The following THSD4 variants were observed in gnomAD, a reference collection of about 807,000 sequenced individuals.
The protein encoded by THSD4 is thrombospondin type-1 domain-containing protein 4.
Under a neutral mutation model 119.0 loss-of-function variants are expected in THSD4, and 69 were observed. The ratio of observed to expected loss-of-function variants is 0.58; its 90% CI spans 0.48 to 0.71. The LOEUF (loss-of-function observed/expected upper bound fraction) is 0.71. THSD4 is among the 30% of genes least tolerant of loss of function. THSD4 has a pLI of 0.00. For missense variants in THSD4, 1,393 were observed against 1,391.1 expected, an observed-to-expected ratio of 1.00 and a Z score of -0.02; for synonymous variants, 524 against 540.4, an observed-to-expected ratio of 0.97 and a Z score of 0.42.
intron 7 of THSD4, among the ~76,000 whole-genome samples, chr15:71,446,869 G>A (rs947892137): frequency 1.3e-5 from 2 of 152,120 alleles, no homozygotes; most frequent in Non-Finnish European, 2.9e-5. Context: ...CTCTTTAAGA[G>A]TCAGGGACAT....
At chr15:71,367,547 C>T (rs1215338740) in intron 6 of THSD4, among the ~76,000 whole-genome samples, 1 of 152,146 alleles carries the variant, frequency 6.6e-6, no homozygotes, top group Non-Finnish European at 1.5e-5. Context: ...GGTTTTCTGT[C>T]CTTGTGATAG....
chr15:71,282,658 A>G (rs1388059971), intron 6 of THSD4, among the ~76,000 whole-genome samples: 4 of 151,854 alleles, frequency 2.6e-5, no homozygotes, highest in Admixed American at 6.6e-5. Context: ...TTCACTCTGA[A>G]CTTGCTCATG....
chr15:71,528,061 T>C (rs1002832988), intron 7 of THSD4, among the ~76,000 whole-genome samples: 1 of 152,158 alleles, frequency 6.6e-6, no homozygotes, highest in Admixed American at 6.5e-5. Flanking sequence ...GGTATAAGCC[T>C]AAGAAAATTG....
At chr15:71,476,728 C>T (rs746410619) in intron 7 of THSD4, among the ~76,000 whole-genome samples, 5 of 152,184 alleles carry the variant, frequency 3.3e-5, no homozygotes, top group African/African-American at 7.2e-5. Flanking sequence ...GAGCTCACAG[C>T]GGAATCATTA....
At chr15:71,741,758 C>T (rs938457295) in intron 11 of THSD4, among the ~76,000 whole-genome samples, 2 of 151,806 alleles carry the variant, frequency 1.3e-5, no homozygotes, top group South Asian at 2.1e-4. Context: ...ATGTCTGAGG[C>T]GACATGTCTA....
chr15:71,520,306 A>G (rs2048421309), intron 7 of THSD4, among the ~76,000 whole-genome samples: 1 of 152,072 alleles, frequency 6.6e-6, no homozygotes, highest in African/African-American at 2.4e-5. Context: ...GGAGGTTTTG[A>G]TGGAGGTAAA....
intron 7 of THSD4, among the ~76,000 whole-genome samples, chr15:71,481,868 A>G (rs2047735595): frequency 6.6e-6 from 1 of 152,202 alleles, no homozygotes; most frequent in Admixed American, 6.5e-5. Flanking sequence ...CCCTCTAAGT[A>G]AATATTGAAA....
chr15:71,664,014 A>G (rs1468239906), intron 8 of THSD4, among the ~76,000 whole-genome samples: 1 of 150,422 alleles, frequency 6.6e-6, no homozygotes, highest in African/African-American at 2.5e-5. Flanking sequence ...ACAGAGTCTC[A>G]CTCTGTCGCC....
intron 4 of THSD4, among the ~76,000 whole-genome samples, chr15:71,232,700 C>T (rs545922479): frequency 3.3e-5 from 5 of 152,200 alleles, no homozygotes; most frequent in South Asian, 2.1e-4. Flanking sequence ...AGACGAAGAC[C>T]GGAGTTGAAT....
chr15:71,447,013 A>G (rs560168651), intron 7 of THSD4, among the ~76,000 whole-genome samples: 1 of 151,956 alleles, frequency 6.6e-6, no homozygotes, highest in Admixed American at 6.5e-5. Flanking sequence ...AGACAAGGAC[A>G]CAGGAATGAA....
intron 3 of THSD4, among the ~76,000 whole-genome samples, chr15:71,170,644 T>C (rs1199958887): frequency 6.6e-6 from 1 of 152,230 alleles, no homozygotes; most frequent in Non-Finnish European, 1.5e-5. Flanking sequence ...TCAAGATGTC[T>C]AGCATTTAGT....
At chr15:71,165,086 G>A in intron 3 of THSD4, 1 of 1,610,324 alleles carries the variant, frequency 6.2e-7, no homozygotes, top group Non-Finnish European at 8.5e-7. Flanking sequence ...TTTGATTTTT[G>A]GGCGATACTC....
Position 71,728,549 on chromosome 15 carries a change from C to T in THSD4, c.1358C>T (p.Ala453Val). Residue 453 changes from alanine (A) to valine (V), a missense_variant and splice_region_variant, in exon 9 of 18, where the codon GCC becomes GTC. Ala to Val is a moderately conservative substitution (Grantham distance 64). Coordinates refer to ENST00000261862, the MANE Select transcript of THSD4 (RefSeq NM_024817.3). Reference sequence around the variant, plus strand: ...AGAACTGTCTGATTTTTCTCAACAGCCCTGAGAAGTCGTTCTGGACGCTCC... The same window carrying T: ...AGAACTGTCTGATTTTTCTCAACAGTCCTGAGAAGTCGTTCTGGACGCTCC... ...TEMYKSNNYLALRSRSGRSII... is the reference protein window; with the variant it reads ...TEMYKSNNYLVLRSRSGRSII... 2 of 1,613,966 alleles carry T rather than the reference C, an allele frequency of 1.2e-6. No individual in the cohort carries two copies. Among genetic ancestry groups the T allele is most frequent in the Non-Finnish European group, 1.7e-6 (2 of 1,179,942 alleles).
chr15:71,619,122 A>G lies in THSD4; in HGVS notation c.1153-41408A>G, dbSNP rs186621151. On this transcript the variant is annotated intron_variant, in intron 7 of 17. Coordinates refer to ENST00000261862, the MANE Select transcript of THSD4 (RefSeq NM_024817.3). ...GTAGCTAGGATTACAGGTGCCCACCACCACGCCCGGCTAATTTTTGTATTT... is the reference window on the plus strand; with the variant it reads ...GTAGCTAGGATTACAGGTGCCCACCGCCACGCCCGGCTAATTTTTGTATTT... 9.0e-3 allele frequency among the ~76,000 whole-genome samples: 1,368 copies of G among 151,836 alleles called. 31 individuals are homozygous for G. The highest frequency in any genetic ancestry group is 0.031 in the African/African-American group (1,303 of 41,384).
At chr15:71,749,095 A>G (rs544954776) in intron 14 of THSD4, among the ~76,000 whole-genome samples, 49 of 152,230 alleles carry the variant, frequency 3.2e-4, no homozygotes, top group Non-Finnish European at 6.6e-4. Flanking sequence ...CATATATTAA[A>G]TTCATCCATC....
At chr15:71,574,826 A>G (rs2049420262) in intron 7 of THSD4, among the ~76,000 whole-genome samples, 1 of 152,176 alleles carries the variant, frequency 6.6e-6, no homozygotes, top group South Asian at 2.1e-4. Flanking sequence ...ATGAACAGGT[A>G]TAGCCATTTT....
chr15:71,732,761 T>G (rs2053006042), intron 10 of THSD4: 1 of 152,224 alleles, frequency 6.6e-6, no homozygotes. Flanking sequence ...AGGGCCTGTG[T>G]GACCATACTT....
chr15:71,504,681 C>T (rs1468168071), intron 7 of THSD4, among the ~76,000 whole-genome samples: 1 of 152,182 alleles, frequency 6.6e-6, no homozygotes, highest in Non-Finnish European at 1.5e-5. Context: ...TACCCCTTAG[C>T]CAGTTTCAGT....
chr15:71,547,596 G>A (rs763731015), intron 7 of THSD4: 7 of 1,206,846 alleles, frequency 5.8e-6, no homozygotes, highest in African/African-American at 1.6e-5. Context: ...AAAGAGTAAT[G>A]CTTTATATTA....
Sources: allele counts gnomAD v4.1 joint callset (sites outside exome capture counted in the v4.1 genomes callset), GRCh38; gene constraint gnomAD v4.1.1; transcripts MANE v1.5; gene names NCBI Gene and HGNC (gene_info 2026-07-23, HGNC 2026-07-21).